Variants in QRFPR observed in about 807,000 individuals in gnomAD.
QRFPR encodes the protein pyroglutamylated RF-amide peptide receptor.
QRFPR carries 37 observed loss-of-function variants against 31.3 expected under a neutral mutation model. The ratio of observed to expected loss-of-function variants is 1.18; its 90% CI spans 0.91 to 1.56. The LOEUF is 1.56. QRFPR is among the 40% of genes most tolerant of loss of function. The pLI is 0.00. For missense variants in QRFPR, 542 were observed against 532.5 expected (o/e 1.02, Z -0.18); for synonymous variants, 197 against 192.0 (o/e 1.03, Z -0.22).
intron 1 of QRFPR, among the ~76,000 whole-genome samples, chr4:121,354,841 T>C (rs13104883): frequency 0.26 from 39,132 of 152,010 alleles, 5,717 homozygotes; most frequent in Non-Finnish European, 0.34. Flanking sequence ...GGTTTTTGTC[T>C]TCCATAGTGT....
At chr4:121,331,705 T>G (rs1318723781) in intron 4 of QRFPR, among the ~76,000 whole-genome samples, 1 of 151,178 alleles carries the variant, frequency 6.6e-6, no homozygotes, top group Non-Finnish European at 1.5e-5. Flanking sequence ...CAGACTAGAG[T>G]GCAGTGGCGT....
intron 1 of QRFPR, among the ~76,000 whole-genome samples, chr4:121,372,104 G>A (rs1028619852): frequency 5.3e-5 from 8 of 152,142 alleles, no homozygotes; most frequent in African/African-American, 1.7e-4. Flanking sequence ...GGAGAAAGGA[G>A]GGAAGTCTTA....
intron 3 of QRFPR, among the ~76,000 whole-genome samples, chr4:121,335,335 C>T (rs1379344953): frequency 6.6e-6 from 1 of 151,978 alleles, no homozygotes; most frequent in African/African-American, 2.4e-5. Flanking sequence ...GAAAAGGCTC[C>T]ACCAGTCTGG....
chr4:121,337,112 A>G (rs926796393), intron 2 of QRFPR, among the ~76,000 whole-genome samples: 3 of 152,178 alleles, frequency 2.0e-5, no homozygotes, highest in African/African-American at 7.2e-5. Context: ...GATAAAACCC[A>G]GTTTCCTTAG....
Position 121,380,442 on chromosome 4 carries a change from A to G in QRFPR, c.206T>C (p.Val69Ala). ...ALFGNALVFY[V>A]VTRSKAMRTV... is the part of the protein sequence containing the mutation. Reference sequence around the variant, plus strand: ...GCGCATGGCCTTGCTGCGGGTCACCACGTAGAACACCAGAGCATTGCCAAA... The same window carrying G: ...GCGCATGGCCTTGCTGCGGGTCACCGCGTAGAACACCAGAGCATTGCCAAA... Residue 69 changes from valine (V) to alanine (A), a missense_variant, in exon 1 of 6, where the codon GTG (valine) becomes GCG (alanine). Transcript: ENST00000394427. 1 of 1,614,216 alleles carries G rather than the reference A, an allele frequency of 6.2e-7. No homozygotes were observed. The highest frequency in any genetic ancestry group is 8.5e-7 in the Non-Finnish European group (1 of 1,180,020).
chr4:121,358,955 T>C (rs1299360295), intron 1 of QRFPR, among the ~76,000 whole-genome samples: 1 of 152,130 alleles, frequency 6.6e-6, no homozygotes, highest in Non-Finnish European at 1.5e-5. Context: ...GTATGAGGGA[T>C]AAATGAGGAA....
chr4:121,348,243 T>C (rs1418766810), intron 1 of QRFPR, among the ~76,000 whole-genome samples: 2 of 152,194 alleles, frequency 1.3e-5, no homozygotes, highest in African/African-American at 2.4e-5. Flanking sequence ...ACTTCCCTCA[T>C]AGGACTGTTG....
rs1560743676 is a variant in QRFPR at position 121,365,550 on chromosome 4, A to ATTATATAAT, written c.340+14757_340+14758insATTATATAA. Among the ~76,000 whole-genome samples, 28 of 7,916 alleles carry ATTATATAAT rather than the reference A, an allele frequency of 3.5e-3. 1 individual carries two copies. Among genetic ancestry groups the ATTATATAAT allele is most frequent in the Non-Finnish European group, 4.5e-3 (23 of 5,086 alleles). 5.2% of individuals were successfully genotyped at this position (7,916 alleles called of 152,430 possible). A position where few individuals can be genotyped will look rare whatever the true frequency, so the allele number is the denominator to read the frequency against. Reference sequence around the variant, plus strand: ...ATTATATATAATATATATTATATATAATATATAATATATATTATATATAAT... The same window carrying ATTATATAAT: ...ATTATATATAATATATATTATATATATTATATAATATATATAATATATATTATATATAAT... On this transcript the variant is annotated intron_variant, in intron 1 of 5. Coordinates refer to ENST00000394427, the MANE Select transcript of QRFPR (RefSeq NM_198179.3).
chr4:121,332,389 A>G (rs1725343443), intron 4 of QRFPR, among the ~76,000 whole-genome samples: 1 of 152,226 alleles, frequency 6.6e-6, no homozygotes, highest in South Asian at 2.1e-4. Flanking sequence ...CATGTCTTTT[A>G]GCATTATCCT....
intron 1 of QRFPR, among the ~76,000 whole-genome samples, 193 bp from the exon 2 acceptor site, chr4:121,340,803 A>G (rs1465326047): frequency 6.6e-6 from 1 of 152,194 alleles, no homozygotes; most frequent in East Asian, 1.9e-4. Context: ...ACTGAACTTT[A>G]TGTTCCTAAA....
At chr4:121,366,910 T>TA (rs11384022) in intron 1 of QRFPR, among the ~76,000 whole-genome samples, 52,277 of 149,260 alleles carry the variant, frequency 0.35, 12,120 homozygotes, top group East Asian at 0.79. Context: ...AGCAAGGCTC[T>TA]AGTGCCCAGG....
chr4:121,360,342 T>C (rs1186352454), intron 1 of QRFPR, among the ~76,000 whole-genome samples: 1 of 152,208 alleles, frequency 6.6e-6, no homozygotes, highest in African/African-American at 2.4e-5. Context: ...TAAATCATTT[T>C]TTCATTTAGT....
At chr4:121,369,955 C>T in intron 1 of QRFPR, 1 of 764,762 alleles carries the variant, frequency 1.3e-6, no homozygotes, top group East Asian at 2.4e-5. Context: ...GGGTGTGTAG[C>T]CAGGATCTCT....
At chr4:121,345,140 G>A (rs1008117851) in intron 1 of QRFPR, among the ~76,000 whole-genome samples, 19 of 152,320 alleles carry the variant, frequency 1.2e-4, no homozygotes, top group Middle Eastern at 3.4e-3. Flanking sequence ...CTGTGGGCAG[G>A]TTAGGTAAGA....
In QRFPR at chr4:121,365,597, TATATAA is replaced by T. The variant is rs1560744032; in HGVS notation, c.340+14705_340+14710del. ...TAATATATATTATATATATTATATA[TATATAA>T]TATATATATTATATATATTATATAT... is the stretch of plus-strand genomic sequence containing the variant. On this transcript the variant is annotated intron_variant, in intron 1 of 5. Coordinates refer to ENST00000394427, the MANE Select transcript of QRFPR (RefSeq NM_198179.3). 6.4e-4 allele frequency among the ~76,000 whole-genome samples: 14 copies of T among 22,042 alleles called. 2 individuals are homozygous for T. Among genetic ancestry groups the T allele is most frequent in the East Asian group, 5.0e-3 (5 of 998 alleles). 14.5% of individuals were successfully genotyped at this position (22,042 alleles called of 152,430 possible).
Position 121,336,793 on chromosome 4 carries a change from C to T in QRFPR, c.561+14G>A. ...AGTTCAACAATATGATTATACATCT[C>T]AACTGGAGTCTACCTCAAGTTGTTG... On this transcript the variant is annotated intron_variant, in intron 3 of 5. Coordinates refer to ENST00000394427, the MANE Select transcript of QRFPR (RefSeq NM_198179.3). 3 of 1,594,642 alleles carry T rather than the reference C, an allele frequency of 1.9e-6. No homozygotes were observed. The highest frequency in any genetic ancestry group is 2.6e-6 in the Non-Finnish European group (3 of 1,162,228).
intron 1 of QRFPR, among the ~76,000 whole-genome samples, chr4:121,346,348 C>G (rs1725650166): frequency 6.6e-6 from 1 of 152,212 alleles, no homozygotes; most frequent in African/African-American, 2.4e-5. Context: ...TTCCCTGCCC[C>G]TCTTCCTGTA....
chr4:121,344,098 G>C (rs965466735), intron 1 of QRFPR, among the ~76,000 whole-genome samples: 10 of 152,164 alleles, frequency 6.6e-5, no homozygotes, highest in Admixed American at 3.9e-4. Context: ...AAAGAATTAA[G>C]GTAAATATGA....
intron 1 of QRFPR, among the ~76,000 whole-genome samples, chr4:121,359,674 T>C (rs947266174): frequency 4.6e-5 from 7 of 151,658 alleles, no homozygotes; most frequent in Admixed American, 2.0e-4. Flanking sequence ...TATATATGTG[T>C]GTGTATATAT....
Sources: allele counts gnomAD v4.1 joint callset (sites outside exome capture counted in the v4.1 genomes callset), GRCh38; gene constraint gnomAD v4.1.1; transcripts MANE v1.5; gene names NCBI Gene and HGNC (gene_info 2026-07-23, HGNC 2026-07-21).